SZRD1: variants seen among roughly 807,000 people sequenced by gnomAD.
SZRD1 encodes SUZ RNA binding domain containing 1, also known as SUZ RNA-binding domain-containing.
Under a neutral mutation model 17.6 loss-of-function variants are expected in SZRD1, and 7 were observed. The ratio of observed to expected loss-of-function variants is 0.40; its 90% CI spans 0.23 to 0.75. SZRD1 has a LOEUF of 0.75. Among genes scored for constraint, SZRD1 ranks in the 30% least tolerant of loss-of-function variants. SZRD1 has a pLI of 0.38. For missense variants in SZRD1, 178 were observed against 201.8 expected (o/e 0.88, Z 0.71); for synonymous variants, 77 against 77.9 (o/e 0.99, Z 0.06).
At chr1:16,382,657 G>C (rs1198702950) in intron 1 of SZRD1, among the ~76,000 whole-genome samples, 1 of 151,388 alleles carries the variant, frequency 6.6e-6, no homozygotes, top group African/African-American at 2.4e-5. Context: ...ATCACACCTG[G>C]CTAATTTTTG....
At position 16,395,164 on chromosome 1, in the gene SZRD1, C is replaced by T. The variant is rs368945273; in HGVS notation, c.*24C>T. ...AAATGCAGGCAAGAAAAGATGCCGC[C>T]GTTGCTGCCGTCACCGCCTCCTGGG... On this transcript the variant is annotated 3_prime_UTR_variant, in exon 4 of 4. Coordinates refer to ENST00000401088, the MANE Select transcript of SZRD1 (RefSeq NM_001114600.3). 6.1e-5 allele frequency: 94 copies of T among 1,543,200 alleles called. No individual in the cohort carries two copies. The highest frequency in any genetic ancestry group is 3.4e-4 in the Middle Eastern group (2 of 5,958).
chr1:16,382,803 A>G (rs1330168752), intron 1 of SZRD1, among the ~76,000 whole-genome samples: 1 of 151,662 alleles, frequency 6.6e-6, no homozygotes, highest in Non-Finnish European at 1.5e-5. Flanking sequence ...GTCGGGACCC[A>G]TCTTCTAAGG....
At position 16,395,840 on chromosome 1, in the gene SZRD1, C is replaced by G. The variant is rs542912730; in HGVS notation, c.*700C>G. On this transcript the variant is annotated 3_prime_UTR_variant, in exon 4 of 4. Transcript: ENST00000401088. ...AAAAGGGGCAGGGCTCTGCAGCCGC[C>G]AGGACAGACGAGCACCCCATGCCTA... 28 of 154,086 alleles carry G rather than the reference C, an allele frequency of 1.8e-4. 1 individual carries two copies. Among genetic ancestry groups the G allele is most frequent in the Admixed American group, 1.6e-3 (25 of 15,564 alleles). The allele number at this position is 154,086 out of a possible 1,614,324, so 9.5% of individuals were successfully genotyped here. A position where few individuals can be genotyped will look rare whatever the true frequency, so the allele number is the denominator to read the frequency against.
At chr1:16,375,564 C>T (rs11803803) in intron 1 of SZRD1, among the ~76,000 whole-genome samples, 2,764 of 152,156 alleles carry the variant, frequency 0.018, 87 homozygotes, top group African/African-American at 0.062. Context: ...CTGCCCACAT[C>T]GGCCTCCCAA....
At chr1:16,385,256 G>A (rs143240168) in intron 1 of SZRD1, among the ~76,000 whole-genome samples, 1 of 152,116 alleles carries the variant, frequency 6.6e-6, no homozygotes, top group Non-Finnish European at 1.5e-5. Flanking sequence ...GCACAGAGTG[G>A]GGAGGCCTGC....
chr1:16,388,829 A>T (rs2085170866), intron 1 of SZRD1, among the ~76,000 whole-genome samples: 1 of 151,162 alleles, frequency 6.6e-6, no homozygotes, highest in African/African-American at 2.4e-5. Flanking sequence ...TGAATTTTTA[A>T]ATAGAAACAG....
At chr1:16,392,746 T>G (rs1267174217) in intron 2 of SZRD1, among the ~76,000 whole-genome samples, 1 of 152,086 alleles carries the variant, frequency 6.6e-6, no homozygotes, top group Non-Finnish European at 1.5e-5. Flanking sequence ...TCCTTTGTAG[T>G]GTTTGTCTGG....
At position 16,381,085 on chromosome 1, in the gene SZRD1, T is replaced by TAA. The variant is rs139686580; in HGVS notation, c.52-10272_52-10271dup. On this transcript the variant is annotated intron_variant, in intron 1 of 3. Coordinates refer to ENST00000401088, the MANE Select transcript of SZRD1 (RefSeq NM_001114600.3). Reference sequence around the variant, plus strand: ...GCAACAGAGCAAGACCCTGGCTCGTTAAAAAAAAAAAAAAAAAAACTAGCC... The same window carrying TAA: ...GCAACAGAGCAAGACCCTGGCTCGTTAAAAAAAAAAAAAAAAAAAAACTAGCC... Among the ~76,000 whole-genome samples, 710 of 123,130 alleles carry TAA rather than the reference T, an allele frequency of 5.8e-3. 8 individuals are homozygous for TAA. The highest frequency in any genetic ancestry group is 0.019 in the African/African-American group (637 of 33,456). 80.8% of individuals were successfully genotyped at this position (123,130 alleles called of 152,430 possible).
intron 1 of SZRD1, among the ~76,000 whole-genome samples, chr1:16,382,924 G>A (rs899404499): frequency 6.6e-6 from 1 of 150,716 alleles, no homozygotes; most frequent in Non-Finnish European, 1.5e-5. Context: ...AGAGTACAAT[G>A]GTGCAATCTC....
intron 1 of SZRD1, among the ~76,000 whole-genome samples, chr1:16,374,873 TTTTTG>T (rs149781689): frequency 0.081 from 12,366 of 152,116 alleles, 678 homozygotes; most frequent in Non-Finnish European, 0.12. Context: ...TTCTTGAGTG[TTTTTG>T]TTTTGTTTTG....
At position 16,367,976 on chromosome 1, in the gene SZRD1, G is replaced by T. The variant is rs142182688; in HGVS notation, c.51+668G>T. ...CTCCTCTGCCACTCAGCGATCCGAGGCCCCGGGAAGGTCTAGGAGTTCGCT... is the reference window on the plus strand; with the variant it reads ...CTCCTCTGCCACTCAGCGATCCGAGTCCCCGGGAAGGTCTAGGAGTTCGCT... On this transcript the variant is annotated intron_variant, in intron 1 of 3. Transcript: ENST00000401088. 1,268 of 152,364 alleles carry T rather than the reference G, an allele frequency of 8.3e-3. 11 individuals carry two copies. Among genetic ancestry groups the T allele is most frequent in the Non-Finnish European group, 0.012 (827 of 68,064 alleles). The allele number at this position is 152,364 out of a possible 1,614,324, so 9.4% of individuals were successfully genotyped here.
At chr1:16,369,224 T>A in intron 1 of SZRD1, 1 of 518,208 alleles carries the variant, frequency 1.9e-6, no homozygotes, top group Non-Finnish European at 3.5e-6. Flanking sequence ...TTGCTGTTAG[T>A]AACTAGGAGC....
chr1:16,388,691 T>TG (rs2085168633), intron 1 of SZRD1, among the ~76,000 whole-genome samples: 1 of 146,038 alleles, frequency 6.8e-6, no homozygotes, highest in Admixed American at 6.8e-5. Flanking sequence ...TTTTTTTTTT[T>TG]TTTTTTTTTT....
In SZRD1 at chr1:16,393,480, C is replaced by T. The variant is rs1186072416; in HGVS notation, c.354C>T (p.Asp118=). 3.1e-6 allele frequency: 5 copies of T among 1,608,948 alleles called. No individual in the cohort carries two copies. In the African/African-American group the frequency reaches 4.0e-5, roughly 13 times the overall value. Residue 118 remains aspartate (D), a splice_region_variant and synonymous_variant, in exon 3 of 4, where the codon GAC becomes GAT. Coordinates refer to ENST00000401088, the MANE Select transcript of SZRD1 (RefSeq NM_001114600.3). This position sits in a 1 kb window ranked among gnomAD's most constrained non-coding sequence, Gnocchi z 5.6. ...PEEEQEKPIL[D]RPTRISQPED... ...AGGAGCAGGAGAAACCCATCCTCGA[C>T]AGGTGAGTGTGGCTGGCAGGGCCGG...
chr1:16,369,705 A>G (rs2082878794), intron 1 of SZRD1, among the ~76,000 whole-genome samples: 1 of 152,178 alleles, frequency 6.6e-6, no homozygotes, highest in Non-Finnish European at 1.5e-5. Flanking sequence ...CCTGGCCAAC[A>G]TGGTGAAACC....
intron 1 of SZRD1, among the ~76,000 whole-genome samples, chr1:16,374,590 G>T (rs1017528153): frequency 1.3e-5 from 2 of 152,166 alleles, no homozygotes; most frequent in African/African-American, 4.8e-5. Context: ...GTGCAGTCCT[G>T]CAGAGAAAAG....
intron 2 of SZRD1, among the ~76,000 whole-genome samples, chr1:16,392,677 ACT>A (rs2085238430): frequency 6.6e-6 from 1 of 151,998 alleles, no homozygotes; most frequent in South Asian, 2.1e-4. Context: ...GGCACAGGTC[ACT>A]CTCACTAGAA....
At chr1:16,379,333 G>GGCCTCGTGATCCGCCC (rs1467137152) in intron 1 of SZRD1, among the ~76,000 whole-genome samples, 1 of 150,382 alleles carries the variant, frequency 6.6e-6, no homozygotes, top group African/African-American at 2.5e-5. Context: ...TAGCCAGAAT[G>GGCCTCGTGATCCGCCC]GCCTCGTGAT....
At chr1:16,379,865 A>G (rs2083068664) in intron 1 of SZRD1, among the ~76,000 whole-genome samples, 1 of 151,510 alleles carries the variant, frequency 6.6e-6, no homozygotes, top group African/African-American at 2.4e-5. Flanking sequence ...GGTTCAAGCA[A>G]TTCTCCTGCC....
Sources: allele counts gnomAD v4.1 joint callset (sites outside exome capture counted in the v4.1 genomes callset), GRCh38; gene constraint gnomAD v4.1.1; non-coding constraint Gnocchi (gnomAD v3.1); transcripts MANE v1.5; gene names NCBI Gene and HGNC (gene_info 2026-07-23, HGNC 2026-07-21).